The following ANKRD6 variants were observed in gnomAD, a reference collection of about 807,000 sequenced individuals.
The protein encoded by ANKRD6 is ankyrin repeat domain 6, also known as ankyrin repeat domain-containing protein 6.
ANKRD6 carries 56 observed loss-of-function variants against 82.3 expected under a neutral mutation model. The observed-to-expected ratio is 0.68, with a 90% CI of 0.55 to 0.85. The LOEUF (loss-of-function observed/expected upper bound fraction) is 0.85, where lower values mean the gene tolerates loss of function less well. ANKRD6 is among the 40% of genes least tolerant of loss of function. ANKRD6 has a pLI of 0.00. For missense variants in ANKRD6, 852 were observed against 907.6 expected (o/e 0.94, Z 0.79); for synonymous variants, 347 against 352.1 (o/e 0.99, Z 0.16).
At chr6:89,573,067 C>A (rs1790293282) in intron 2 of ANKRD6, among the ~76,000 whole-genome samples, 3 of 152,000 alleles carry the variant, frequency 2.0e-5, no homozygotes, top group African/African-American at 7.3e-5. Context: ...CTCAAGCAAT[C>A]CTCCTGCCTC....
At chr6:89,546,484 G>A (rs1785113366) in intron 1 of ANKRD6, among the ~76,000 whole-genome samples, 1 of 152,068 alleles carries the variant, frequency 6.6e-6, no homozygotes, top group Admixed American at 6.6e-5. Flanking sequence ...TTGATTTTGA[G>A]ATGGAGTCTC....
intron 4 of ANKRD6, among the ~76,000 whole-genome samples, 188 bp from the exon 5 acceptor site, chr6:89,605,819 G>A (rs748720092): frequency 2.6e-5 from 4 of 152,132 alleles, no homozygotes; most frequent in Non-Finnish European, 5.9e-5. Flanking sequence ...TTCTTATGAT[G>A]TATCATTTCT....
At chr6:89,471,219 G>A (rs1417200829) in intron 1 of ANKRD6, among the ~76,000 whole-genome samples, 1 of 151,944 alleles carries the variant, frequency 6.6e-6, no homozygotes, top group Non-Finnish European at 1.5e-5. Context: ...GGGTGTGGTG[G>A]CAGGCGCCTG....
chr6:89,528,306 TTG>T (rs1782754984), intron 1 of ANKRD6, among the ~76,000 whole-genome samples: 1 of 152,242 alleles, frequency 6.6e-6, no homozygotes, highest in Admixed American at 6.5e-5. Context: ...TCTAAATTTT[TTG>T]TTGTCATTTC....
In ANKRD6 at chr6:89,533,009, G is replaced by A. The variant is rs570215756; in HGVS notation, c.-143-33825G>A. Among the ~76,000 whole-genome samples, 4 of 152,162 alleles carry A rather than the reference G, an allele frequency of 2.6e-5. No homozygotes were observed. In the East Asian group the frequency reaches 7.7e-4, roughly 29 times the overall value. On this transcript the variant is annotated intron_variant, in intron 1 of 15. Transcript: ENST00000339746. ...CTGCCTCAGCCTCCTGAGTAGCTGG[G>A]CTTACAGGCACGTGCTGCCATATTT...
chr6:89,558,632 G>A (rs535518221), intron 1 of ANKRD6, among the ~76,000 whole-genome samples: 81 of 152,204 alleles, frequency 5.3e-4, no homozygotes, highest in Non-Finnish European at 9.8e-4. Context: ...ACTCTTTGTG[G>A]TACTTTAATG....
chr6:89,484,506 A>T (rs1777149435), intron 1 of ANKRD6, among the ~76,000 whole-genome samples: 1 of 152,120 alleles, frequency 6.6e-6, no homozygotes, highest in Admixed American at 6.5e-5. Context: ...CCCACATAGG[A>T]CTCACTTCCT....
At chr6:89,471,359 CAAA>C (rs568718441) in intron 1 of ANKRD6, among the ~76,000 whole-genome samples, 6 of 57,088 alleles carry the variant, frequency 1.1e-4, no homozygotes, top group African/African-American at 2.0e-4. Flanking sequence ...ACAACAACAA[CAAA>C]AAAAAAAAAA....
rs1334111626 is a variant in ANKRD6, at chr6:89,595,975, C to G, written c.180C>G (p.Ile60Met). 2.5e-6 allele frequency: 4 copies of G among 1,611,012 alleles called. No individual in the cohort carries two copies. Among genetic ancestry groups the G allele is most frequent in the Non-Finnish European group, 3.4e-6 (4 of 1,178,824 alleles). The stretch of plus-strand genomic sequence containing the variant: ...AGGGCCATCTTCCTGTGGTCCAGAT[C>G]TTGCTGAAGGCTGGCTGCGACCTTG... ...ANKGHLPVVQ[I>M]LLKAGCDLDV... The change falls in exon 3 of 16, where the codon ATC becomes ATG. Residue 60 changes from isoleucine to methionine, a missense_variant. Transcript: ENST00000339746.
At chr6:89,538,267 A>G (rs1474133517) in intron 1 of ANKRD6, among the ~76,000 whole-genome samples, 5 of 152,104 alleles carry the variant, frequency 3.3e-5, no homozygotes, top group Non-Finnish European at 7.3e-5. Context: ...TGAAGCAATC[A>G]GGTCTTTTGT....
chr6:89,576,301 C>A (rs528873712), intron 2 of ANKRD6, among the ~76,000 whole-genome samples: 1 of 152,118 alleles, frequency 6.6e-6, no homozygotes, highest in Non-Finnish European at 1.5e-5. Flanking sequence ...CCACCCTCCT[C>A]GGCCTCCCAA....
Position 89,581,323 on chromosome 6 carries a change from G to A in ANKRD6, c.120+14227G>A, listed in dbSNP as rs1427634115. 2.6e-5 allele frequency among the ~76,000 whole-genome samples: 4 copies of A among 152,278 alleles called. No homozygotes were observed. The East Asian group carries it at 7.7e-4, about 29-fold the overall frequency. On this transcript the variant is annotated intron_variant, in intron 2 of 15. Transcript: ENST00000339746. ...TTTGTGGGATAAATTTCTCTAAGTG[G>A]TACTTCTGAGTCAGAGCATGCATGC... is the stretch of plus-strand genomic sequence containing the variant.
chr6:89,460,942 C>T (rs1395740611), intron 1 of ANKRD6, among the ~76,000 whole-genome samples: 1 of 128,800 alleles, frequency 7.8e-6, no homozygotes, highest in Non-Finnish European at 1.6e-5. Flanking sequence ...CCTCTGTCAT[C>T]GAGGCTGGAG....
intron 1 of ANKRD6, among the ~76,000 whole-genome samples, chr6:89,526,866 G>T (rs969944109): frequency 6.6e-6 from 1 of 152,210 alleles, no homozygotes; most frequent in African/African-American, 2.4e-5. Context: ...CAGCTCAACT[G>T]TCAGGCAGAG....
chr6:89,607,169 CAA>C (rs68129491), intron 5 of ANKRD6, among the ~76,000 whole-genome samples: 57 of 135,880 alleles, frequency 4.2e-4, no homozygotes, highest in African/African-American at 1.4e-3. Context: ...GACCCGGTCT[CAA>C]AAAAAAAAAA....
At chr6:89,547,200 G>T (rs71556334) in intron 1 of ANKRD6, among the ~76,000 whole-genome samples, 22 of 151,902 alleles carry the variant, frequency 1.4e-4, no homozygotes, top group Admixed American at 2.0e-4. Context: ...TGTTATTTGG[G>T]GGGGGGGTTA....
At chr6:89,558,677 A>G (rs943432862) in intron 1 of ANKRD6, among the ~76,000 whole-genome samples, 11 of 152,198 alleles carry the variant, frequency 7.2e-5, no homozygotes, top group Non-Finnish European at 1.5e-4. Flanking sequence ...GTCAAAACCC[A>G]TGGAACTGTA....
intron 1 of ANKRD6, chr6:89,562,345 G>A (rs1787556759): frequency 6.6e-6 from 1 of 152,254 alleles, no homozygotes; most frequent in African/African-American, 2.4e-5. Flanking sequence ...TGCCGAGGAG[G>A]GTGGAGTGTC....
rs1770297763 is a variant in ANKRD6 at position 89,433,964 on chromosome 6, G to A, written c.-144+589G>A. Among the ~76,000 whole-genome samples, 1 of 152,214 alleles carries A rather than the reference G, an allele frequency of 6.6e-6. No individual in the cohort carries two copies. The highest frequency in any genetic ancestry group is 2.1e-4 in the South Asian group (1 of 4,824). The stretch of plus-strand genomic sequence containing the variant: ...CATCAGCTCACCCAAGCTTATCTTG[G>A]GCTTTTAAGTGTGTTGCTTCCGGTA... On this transcript the variant is annotated intron_variant, in intron 1 of 15. Coordinates refer to ENST00000339746, the MANE Select transcript of ANKRD6 (RefSeq NM_001242809.2). This position sits in a 1 kb window ranked among gnomAD's most constrained non-coding sequence, Gnocchi z 4.3.
Sources: allele counts gnomAD v4.1 joint callset (sites outside exome capture counted in the v4.1 genomes callset), GRCh38; gene constraint gnomAD v4.1.1; non-coding constraint Gnocchi (gnomAD v3.1); transcripts MANE v1.5; gene names NCBI Gene and HGNC (gene_info 2026-07-23, HGNC 2026-07-21).